CUX2: variants seen among roughly 807,000 people sequenced by gnomAD.
CUX2 encodes the protein cut like homeobox 2.
In CUX2, 40 loss-of-function variants were observed where a neutral mutation model predicts 144.8. That is an observed-to-expected ratio of 0.28 (90% CI 0.21 to 0.36). CUX2 has a LOEUF of 0.36. Among genes scored for constraint, CUX2 ranks in the 10% least tolerant of loss-of-function variants. The pLI is 1.00. For synonymous variants in CUX2, 827 were observed against 875.6 expected, an observed-to-expected ratio of 0.94 and a Z score of 0.98; for missense variants, 1,615 against 1,994.0, an observed-to-expected ratio of 0.81 and a Z score of 3.62.
intron 3 of CUX2, among the ~76,000 whole-genome samples, chr12:111,226,147 T>C (rs1347773723): frequency 2.6e-5 from 4 of 152,246 alleles, no homozygotes; most frequent in Non-Finnish European, 5.9e-5. Context: ...TTTCACCATG[T>C]TGGCCAGGCT....
intron 1 of CUX2, among the ~76,000 whole-genome samples, chr12:111,185,919 A>C (rs1879499718): frequency 1.4e-5 from 2 of 146,942 alleles, no homozygotes; most frequent in African/African-American, 2.5e-5. Context: ...CTCATACCTC[A>C]TCCCTCCCTC....
rs1183767184 is a variant in CUX2 at position 111,289,230 on chromosome 12, C to A, written c.302-2188C>A. On this transcript the variant is annotated intron_variant, in intron 4 of 21. Coordinates refer to ENST00000261726, the MANE Select transcript of CUX2 (RefSeq NM_015267.4). The surrounding 1 kb of genome is among the most constrained non-coding windows in gnomAD (Gnocchi z 4.1). ...CCAGACTAGGCCCCTTGGTCTATAT[C>A]CAGGACCCTGGCTTTCCTGGGTGCC... Among the ~76,000 whole-genome samples, 1 of 152,202 alleles carries A rather than the reference C, an allele frequency of 6.6e-6. No individual in the cohort carries two copies. Among genetic ancestry groups the A allele is most frequent in the African/African-American group, 2.4e-5 (1 of 41,446 alleles).
At chr12:111,051,575 C>T (rs1870267825) in intron 1 of CUX2, among the ~76,000 whole-genome samples, 1 of 151,726 alleles carries the variant, frequency 6.6e-6, no homozygotes, top group Non-Finnish European at 1.5e-5. Flanking sequence ...TGGCTGTTTG[C>T]ATTATATATC....
At position 111,171,849 on chromosome 12, in the gene CUX2, C is replaced by T. The variant is rs1262851756; in HGVS notation, c.64-42351C>T. On this transcript the variant is annotated intron_variant, in intron 1 of 21. Coordinates refer to ENST00000261726, the MANE Select transcript of CUX2 (RefSeq NM_015267.4). The surrounding 1 kb of genome is among the most constrained non-coding windows in gnomAD (Gnocchi z 5.0). ...TCTTCTCCCATCCAGATATGTGGGT[C>T]CTGGGCCTTACCTGTACCAAATAAA... Among the ~76,000 whole-genome samples the T allele has an allele frequency of 6.6e-6, 1 of 152,232 alleles. No individual in the cohort carries two copies. The highest frequency in any genetic ancestry group is 1.5e-5 in the Non-Finnish European group (1 of 68,046).
At chr12:111,056,189 G>C (rs535383211) in intron 1 of CUX2, among the ~76,000 whole-genome samples, 1 of 152,342 alleles carries the variant, frequency 6.6e-6, no homozygotes, top group African/African-American at 2.4e-5. Flanking sequence ...GAGGATGCTA[G>C]AGACGAGGAC....
intron 3 of CUX2, among the ~76,000 whole-genome samples, chr12:111,252,909 T>G (rs1226762121): frequency 6.6e-6 from 1 of 151,712 alleles, no homozygotes; most frequent in African/African-American, 2.4e-5. Flanking sequence ...AATGAATGAA[T>G]GAATGAATGA....
At chr12:111,240,310 G>A (rs1052525069) in intron 3 of CUX2, among the ~76,000 whole-genome samples, 7 of 152,216 alleles carry the variant, frequency 4.6e-5, no homozygotes, top group Non-Finnish European at 1.0e-4. Flanking sequence ...CAAGGTGGGT[G>A]CTTCCCCCAC....
rs1451161904 is a variant in CUX2 at position 111,068,892 on chromosome 12, G to A, written c.63+34652G>A. On this transcript the variant is annotated intron_variant, in intron 1 of 21. Transcript: ENST00000261726. This position sits in a 1 kb window ranked among gnomAD's most constrained non-coding sequence, Gnocchi z 4.9. Reference sequence around the variant, plus strand: ...AGGCCGAGGCGGGTGGATCATTTGAGGTCAGGAGTTCGAGACCAGCCTGGC... The same window carrying A: ...AGGCCGAGGCGGGTGGATCATTTGAAGTCAGGAGTTCGAGACCAGCCTGGC... 6.6e-6 allele frequency among the ~76,000 whole-genome samples: 1 copy of A among 152,070 alleles called. No individual in the cohort carries two copies. Among genetic ancestry groups the A allele is most frequent in the Non-Finnish European group, 1.5e-5 (1 of 67,990 alleles).
At chr12:111,088,651 C>T (rs1329596885) in intron 1 of CUX2, among the ~76,000 whole-genome samples, 1 of 152,162 alleles carries the variant, frequency 6.6e-6, no homozygotes. Flanking sequence ...AAGGAAAAGG[C>T]TCAGAGAGCT....
At chr12:111,309,534 G>A (rs997123351) in intron 14 of CUX2, among the ~76,000 whole-genome samples, 2 of 152,056 alleles carry the variant, frequency 1.3e-5, no homozygotes, top group African/African-American at 2.4e-5. Context: ...AAGAGCCAAG[G>A]TCGGCGCTTC....
At position 111,307,274 on chromosome 12, in the gene CUX2, G is replaced by A. The variant is rs769554572; in HGVS notation, c.1109+17G>A. On this transcript the variant is annotated intron_variant, in intron 12 of 21. Transcript: ENST00000261726. This position sits in a 1 kb window ranked among gnomAD's most constrained non-coding sequence, Gnocchi z 4.1. ...GGAGCTGAGGTACCATGTGGGGTGG[G>A]GCTCCACAGACCCTCAGTGCTCTTC... The A allele has an allele frequency of 1.2e-6, 2 of 1,610,500 alleles. No individual in the cohort carries two copies. Among genetic ancestry groups the A allele is most frequent in the East Asian group, 4.5e-5 (2 of 44,850 alleles).
intron 1 of CUX2, among the ~76,000 whole-genome samples, chr12:111,105,571 G>A (rs935406002): frequency 6.6e-6 from 1 of 152,186 alleles, no homozygotes; most frequent in Non-Finnish European, 1.5e-5. Context: ...CACACCCCCA[G>A]GGAGATGGGG....
At chr12:111,149,098 C>T (rs1243875658) in intron 1 of CUX2, among the ~76,000 whole-genome samples, 1 of 152,158 alleles carries the variant, frequency 6.6e-6, no homozygotes, top group Non-Finnish European at 1.5e-5. Flanking sequence ...CAAAGTCACA[C>T]AGCCAGCAGC....
In CUX2 at chr12:111,349,496, G is replaced by C. The variant is rs150711405; in HGVS notation, c.*1171G>C. 1 of 152,192 alleles carries C rather than the reference G, an allele frequency of 6.6e-6. No individual in the cohort carries two copies. The highest frequency in any genetic ancestry group is 2.4e-5 in the African/African-American group (1 of 41,432). The allele number at this position is 152,192 out of a possible 1,614,324, so 9.4% of individuals were successfully genotyped here. On this transcript the variant is annotated 3_prime_UTR_variant, in exon 22 of 22. Coordinates refer to ENST00000261726, the MANE Select transcript of CUX2 (RefSeq NM_015267.4). ...CGCCATCTTCTTTCTCAAGTTGACC[G>C]TGGTGCTGTTTCTGGAAGGCATCTG...
At position 111,308,535 on chromosome 12, in the gene CUX2, G is replaced by A; in HGVS notation, c.1258+9G>A. ...CCTCCTGGCCAGCCCTGGTAGGGGAGGAGGATACTCTGGGGCTGAGGGCTG... is the reference window on the plus strand; with the variant it reads ...CCTCCTGGCCAGCCCTGGTAGGGGAAGAGGATACTCTGGGGCTGAGGGCTG... On this transcript the variant is annotated intron_variant, in intron 14 of 21. Coordinates refer to ENST00000261726, the MANE Select transcript of CUX2 (RefSeq NM_015267.4). 1 of 1,603,016 alleles carries A rather than the reference G, an allele frequency of 6.2e-7. No homozygotes were observed. Among genetic ancestry groups the A allele is most frequent in the Non-Finnish European group, 8.5e-7 (1 of 1,174,734 alleles).
chr12:111,322,290 C>A lies in CUX2; in HGVS notation c.2767-131C>A. 9.6e-7 allele frequency: 1 copy of A among 1,044,378 alleles called. No homozygotes were observed. The highest frequency in any genetic ancestry group is 1.3e-6 in the Non-Finnish European group (1 of 749,294). The allele number at this position is 1,044,378 out of a possible 1,614,324, so 64.7% of individuals were successfully genotyped here. A position where few individuals can be genotyped will look rare whatever the true frequency, so the allele number is the denominator to read the frequency against. On this transcript the variant is annotated intron_variant, in intron 17 of 21. Coordinates refer to ENST00000261726, the MANE Select transcript of CUX2 (RefSeq NM_015267.4). This position sits in a 1 kb window ranked among gnomAD's most constrained non-coding sequence, Gnocchi z 4.2. ...CTGAGATGGTGCCACTGCACTCCAT[C>A]CTGGGCGACAGACAAAGCGAGACTC...
At chr12:111,260,704 T>C (rs1005867373) in intron 3 of CUX2, among the ~76,000 whole-genome samples, 1 of 152,150 alleles carries the variant, frequency 6.6e-6, no homozygotes, top group African/African-American at 2.4e-5. Flanking sequence ...AAGAGATAAA[T>C]CATGGACCAT....
chr12:111,211,851 CACCCCA>C (rs1285183074), intron 1 of CUX2, among the ~76,000 whole-genome samples: 1 of 150,254 alleles, frequency 6.7e-6, no homozygotes, highest in East Asian at 2.0e-4. Flanking sequence ...GGCGCCACTG[CACCCCA>C]GCCTGGGCGA....
chr12:111,343,507 A>AG (rs1370069892), intron 21 of CUX2, among the ~76,000 whole-genome samples: 1 of 152,074 alleles, frequency 6.6e-6, no homozygotes, highest in Non-Finnish European at 1.5e-5. Flanking sequence ...CATCCATTCC[A>AG]GGGGGAGAGA....
Sources: gnomAD v4.1 joint callset for allele counts (sites outside exome capture counted in the v4.1 genomes callset) on GRCh38, gnomAD v4.1.1 for gene constraint, Gnocchi (gnomAD v3.1) non-coding constraint, MANE v1.5 for transcripts, NCBI Gene and HGNC (gene_info 2026-07-23, HGNC 2026-07-21) for gene names.